Variants in SENP1 observed in about 807,000 individuals in gnomAD.
The protein encoded by SENP1 is sentrin-specific protease 1.
Under a neutral mutation model 93.0 loss-of-function variants are expected in SENP1, and 21 were observed. The ratio of observed to expected loss-of-function variants is 0.23; its 90% CI spans 0.16 to 0.33. The LOEUF (loss-of-function observed/expected upper bound fraction) is 0.33, where lower values mean the gene tolerates loss of function less well. SENP1 is among the 10% of genes least tolerant of loss of function. The probability of loss-of-function intolerance (pLI) is 1.00; values close to 1 mark genes in which losing one functional copy is unlikely to be tolerated. For missense variants in SENP1, 591 were observed against 758.7 expected (o/e 0.78, Z 2.60); for synonymous variants, 256 against 259.6 (o/e 0.99, Z 0.13).
intron 3 of SENP1, 33 bp from the exon 4 acceptor site, chr12:48,096,460 A>ATT (rs749718788): frequency 1.6e-3 from 1,837 of 1,155,478 alleles, no homozygotes; most frequent in Non-Finnish European, 1.8e-3. Flanking sequence ...CTTAAGTCAC[A>ATT]TTTTTTTTTT....
chr12:48,065,804 T>G (rs1335278297), intron 10 of SENP1, 124 bp from the exon 11 acceptor site: 5 of 608,012 alleles, frequency 8.2e-6, no homozygotes, highest in Non-Finnish European at 1.5e-5. Flanking sequence ...TACACTAACT[T>G]ATCATCCTTA....
intron 13 of SENP1, among the ~76,000 whole-genome samples, chr12:48,054,037 TAGAG>T (rs754387489): frequency 2.0e-5 from 3 of 152,110 alleles, no homozygotes; most frequent in Non-Finnish European, 2.9e-5. Flanking sequence ...GGGAAAATAA[TAGAG>T]AGACAGGAAA....
chr12:48,056,321 TATATAAATATTATTTAATATATTAC>T (rs1942327656), intron 13 of SENP1, among the ~76,000 whole-genome samples: 1 of 79,452 alleles, frequency 1.3e-5, no homozygotes, highest in Non-Finnish European at 2.1e-5. Context: ...ACATATCACA[TATATAAATATTATTTAATATATTAC>T]ATATAATATA....
intron 12 of SENP1, among the ~76,000 whole-genome samples, chr12:48,064,505 C>A (rs1943163891): frequency 6.6e-6 from 1 of 152,112 alleles, no homozygotes. Context: ...TAAAAATGCA[C>A]ATGACATGAA....
intron 17 of SENP1, among the ~76,000 whole-genome samples, chr12:48,045,690 G>T (rs1440427883): frequency 6.6e-6 from 1 of 152,108 alleles, no homozygotes; most frequent in Non-Finnish European, 1.5e-5. Context: ...ACTTTTAAGA[G>T]GATATGAGCC....
At chr12:48,065,555 G>A in intron 11 of SENP1, 41 bp downstream of exon 11, 2 of 1,306,828 alleles carry the variant, frequency 1.5e-6, no homozygotes, top group Non-Finnish European at 2.1e-6. Context: ...CTACTTTGAT[G>A]TACTATTTAT....
chr12:48,072,776 A>G (rs763070547), intron 8 of SENP1, among the ~76,000 whole-genome samples: 3 of 152,220 alleles, frequency 2.0e-5, no homozygotes, highest in Non-Finnish European at 4.4e-5. Context: ...TACTGCACCT[A>G]ATTTATAATC....
chr12:48,095,741 G>A (rs1945516385), intron 4 of SENP1, among the ~76,000 whole-genome samples: 1 of 152,122 alleles, frequency 6.6e-6, no homozygotes, highest in South Asian at 2.1e-4. Context: ...ACCCTTGGAA[G>A]TCCAAACCCT....
chr12:48,088,870 G>A lies in SENP1; in HGVS notation c.311C>T (p.Ser104Leu), dbSNP rs369309026. The change falls in exon 5 of 18, where the codon TCG becomes TTG. Residue 104 changes from serine to leucine, a missense_variant. Around this residue, in one of 4 missense-constraint regions of SENP1, gnomAD observed 214 missense variants for 243.4 expected, o/e 0.88. Transcript: ENST00000549518. ...TGATTTTTGTAAAGATGAGCTTGAC[G>A]ATGGGGTAGAATTTCTCCATTGGCC... The part of the protein sequence containing the change: ...ANGQWRNSTP[S>L]SSSSLQKSRN... 9 of 1,604,966 alleles carry A rather than the reference G, an allele frequency of 5.6e-6. 1 individual carries two copies. The highest frequency in any genetic ancestry group is 4.0e-5 in the African/African-American group (3 of 74,814).
Position 48,046,385 on chromosome 12 carries a change from T to A in SENP1, c.1843A>T (p.Thr615Ser). The change falls in exon 17 of 18, where the codon ACC becomes TCC. Residue 615 changes from threonine to serine, a missense_variant. Physicochemically the swap from Thr to Ser is moderately conservative, Grantham distance 58 (BLOSUM62 1). Coordinates refer to ENST00000549518, the MANE Select transcript of SENP1 (RefSeq NM_001267594.2). ...GTGAAGTTGATTGGTCTGTCTTTGG[T>A]AATACAGTCAGCATATTTGCAGGCA... Reference protein sequence around the residue: ...MFACKYADCITKDRPINFTQQ... With the variant: ...MFACKYADCISKDRPINFTQQ... 1 of 1,613,278 alleles carries A rather than the reference T, an allele frequency of 6.2e-7. No individual in the cohort carries two copies. The highest frequency in any genetic ancestry group is 8.5e-7 in the Non-Finnish European group (1 of 1,179,334).
chr12:48,089,102 T>G (rs941336228), intron 4 of SENP1, 142 bp from the exon 5 acceptor site: 9 of 1,557,898 alleles, frequency 5.8e-6, no homozygotes, highest in Non-Finnish European at 7.8e-6. Flanking sequence ...CAGTCTCAAC[T>G]GCCAGTAAAG....
intron 14 of SENP1, 109 bp from the exon 15 acceptor site, chr12:48,048,189 A>C (rs1941516810): frequency 1.5e-6 from 1 of 687,310 alleles, no homozygotes; most frequent in Non-Finnish European, 2.6e-6. Context: ...CTACAAAATC[A>C]TGACAAGTTT....
chr12:48,056,330 ATTAT>A (rs1942332462), intron 13 of SENP1, among the ~76,000 whole-genome samples: 2 of 81,418 alleles, frequency 2.5e-5, no homozygotes, highest in Non-Finnish European at 5.0e-5. Context: ...ATATATAAAT[ATTAT>A]TTAATATATT....
intron 13 of SENP1, among the ~76,000 whole-genome samples, chr12:48,051,138 T>A (rs1941783774): frequency 6.6e-6 from 1 of 152,084 alleles, no homozygotes; most frequent in Non-Finnish European, 1.5e-5. Flanking sequence ...CACTATTCTA[T>A]TTTTCAAGAG....
chr12:48,073,221 G>A (rs988484659), intron 8 of SENP1, among the ~76,000 whole-genome samples: 50 of 151,748 alleles, frequency 3.3e-4, no homozygotes, highest in African/African-American at 1.2e-3. Context: ...CAACTTAGTT[G>A]TATCTAAGTA....
At chr12:48,078,334 TACAC>T (rs1555182749) in intron 6 of SENP1, among the ~76,000 whole-genome samples, 15 of 67,760 alleles carry the variant, frequency 2.2e-4, no homozygotes, top group East Asian at 2.2e-3. Context: ...TATATATATA[TACAC>T]ACACATATAT....
intron 2 of SENP1, among the ~76,000 whole-genome samples, chr12:48,100,720 C>G (rs1358741632): frequency 6.6e-6 from 1 of 152,074 alleles, no homozygotes; most frequent in Non-Finnish European, 1.5e-5. Flanking sequence ...CCTGGCTCAG[C>G]CAGTTATAGT....
At chr12:48,056,330 AT>A (rs564706766) in intron 13 of SENP1, among the ~76,000 whole-genome samples, 2 of 81,422 alleles carry the variant, frequency 2.5e-5, no homozygotes, top group South Asian at 3.8e-4. Context: ...ATATATAAAT[AT>A]TATTTAATAT....
chr12:48,077,697 A>C (rs1944198734), intron 6 of SENP1, among the ~76,000 whole-genome samples: 1 of 152,006 alleles, frequency 6.6e-6, no homozygotes, highest in Non-Finnish European at 1.5e-5. Context: ...CTCATCATTT[A>C]CATTAGGTAT....
Sources: allele counts gnomAD v4.1 joint callset (sites outside exome capture counted in the v4.1 genomes callset), GRCh38; gene constraint gnomAD v4.1.1; regional missense constraint gnomAD v4.1.1; transcripts MANE v1.5; gene names NCBI Gene and HGNC (gene_info 2026-07-23, HGNC 2026-07-21).